Variants in RSU1 observed in about 807,000 individuals in gnomAD.
RSU1 encodes the protein rsu-1.
In RSU1, 26 loss-of-function variants were observed where a neutral mutation model predicts 31.1. That is an observed-to-expected ratio of 0.84 (90% CI 0.61 to 1.16). The LOEUF is 1.16. RSU1 is among the 50% of genes most tolerant of loss of function. The probability of loss-of-function intolerance (pLI) is 0.00; values close to 1 mark genes in which losing one functional copy is unlikely to be tolerated. For missense variants in RSU1, 320 were observed against 339.1 expected, an observed-to-expected ratio of 0.94 and a Z score of 0.44; for synonymous variants, 164 against 136.3, an observed-to-expected ratio of 1.20 and a Z score of -1.41.
At chr10:16,791,635 C>CAAA (rs553951655) in intron 2 of RSU1, among the ~76,000 whole-genome samples, 1 of 98,484 alleles carries the variant, frequency 1.0e-5, no homozygotes, top group Non-Finnish European at 2.2e-5. Context: ...CTCAAAAAAA[C>CAAA]AAAAAAAAAA....
intron 2 of RSU1, among the ~76,000 whole-genome samples, chr10:16,787,133 G>A (rs557816219): frequency 1.3e-5 from 2 of 152,268 alleles, no homozygotes; most frequent in South Asian, 2.1e-4. Flanking sequence ...ATAATCTGGA[G>A]ACAAAATGTG....
chr10:16,817,220 T>G, intron 1 of RSU1, 95 bp downstream of exon 1: 8 of 598,288 alleles, frequency 1.3e-5, no homozygotes, highest in African/African-American at 4.7e-5. Flanking sequence ...CAGGGGCTGG[T>G]CCGGGTGCGG....
At chr10:16,664,276 G>A (rs1183588564) in intron 8 of RSU1, among the ~76,000 whole-genome samples, 1 of 152,128 alleles carries the variant, frequency 6.6e-6, no homozygotes, top group Non-Finnish European at 1.5e-5. Context: ...GACCACTATC[G>A]TCCCAATGAG....
At chr10:16,695,649 T>C (rs990004422) in intron 7 of RSU1, among the ~76,000 whole-genome samples, 2 of 152,110 alleles carry the variant, frequency 1.3e-5, no homozygotes, top group African/African-American at 2.4e-5. Flanking sequence ...CATAAGCACA[T>C]CTCGGAATCA....
At chr10:16,809,089 A>C (rs1205973532) in intron 2 of RSU1, among the ~76,000 whole-genome samples, 1 of 152,230 alleles carries the variant, frequency 6.6e-6, no homozygotes, top group African/African-American at 2.4e-5. Flanking sequence ...GGACATTAAC[A>C]AAGTAGGTAC....
intron 8 of RSU1, among the ~76,000 whole-genome samples, chr10:16,643,335 T>C (rs1451947278): frequency 2.0e-5 from 3 of 152,216 alleles, no homozygotes; most frequent in Non-Finnish European, 2.9e-5. Context: ...ACTTTGAAGA[T>C]GTAAAAGTTA....
intron 7 of RSU1, among the ~76,000 whole-genome samples, chr10:16,728,565 T>G (rs983579484): frequency 6.6e-6 from 1 of 152,176 alleles, no homozygotes; most frequent in African/African-American, 2.4e-5. Flanking sequence ...TGTGTTACTA[T>G]GTGTGGGAGG....
At chr10:16,611,174 C>T (rs1163217924) in intron 8 of RSU1, among the ~76,000 whole-genome samples, 2 of 152,128 alleles carry the variant, frequency 1.3e-5, no homozygotes, top group Non-Finnish European at 2.9e-5. Flanking sequence ...ATGAGTTTGC[C>T]GTTTCCAGGG....
intron 8 of RSU1, among the ~76,000 whole-genome samples, chr10:16,635,900 C>T (rs1834336188): frequency 6.6e-6 from 1 of 152,216 alleles, no homozygotes; most frequent in Non-Finnish European, 1.5e-5. Context: ...AATGTTACTC[C>T]AGTCATCAAC....
chr10:16,681,584 A>C (rs939264386), intron 8 of RSU1, among the ~76,000 whole-genome samples: 1 of 152,234 alleles, frequency 6.6e-6, no homozygotes, highest in African/African-American at 2.4e-5. Flanking sequence ...AATTGATGTC[A>C]ATAAAATATG....
At chr10:16,761,788 G>A (rs1164275385) in intron 4 of RSU1, among the ~76,000 whole-genome samples, 8 of 152,074 alleles carry the variant, frequency 5.3e-5, no homozygotes, top group Non-Finnish European at 1.2e-4. Context: ...CTCAGGAGGT[G>A]GAGCTTGCAG....
At position 16,666,265 on chromosome 10, in the gene RSU1, T is replaced by C. The variant is rs1380480612; in HGVS notation, c.731+28758A>G. Among the ~76,000 whole-genome samples the C allele has an allele frequency of 3.9e-5, 6 of 152,162 alleles. No individual in the cohort carries two copies. In the South Asian group the frequency reaches 1.2e-3, roughly 31 times the overall value. On this transcript the variant is annotated intron_variant, in intron 8 of 8. Transcript: ENST00000345264. ...TGAACTTCAAGGATATGATTTGAAA[T>C]AATAGATCATATCTACATCTTTGAA...
intron 7 of RSU1, among the ~76,000 whole-genome samples, chr10:16,748,640 T>C (rs1588510194): frequency 1.3e-5 from 2 of 152,176 alleles, no homozygotes; most frequent in Admixed American, 6.5e-5. Context: ...CCCCATTTCC[T>C]GTCTAAGCTC....
chr10:16,635,097 A>G (rs1353458201), intron 8 of RSU1, among the ~76,000 whole-genome samples: 1 of 152,232 alleles, frequency 6.6e-6, no homozygotes, highest in East Asian at 1.9e-4. Flanking sequence ...CTGTATTCGT[A>G]ACAGCCTCCT....
intron 7 of RSU1, among the ~76,000 whole-genome samples, chr10:16,719,725 C>A (rs1326431302): frequency 6.6e-6 from 1 of 152,210 alleles, no homozygotes; most frequent in Admixed American, 6.5e-5. Context: ...GGTGATGACG[C>A]CTTCTCTAAG....
intron 8 of RSU1, among the ~76,000 whole-genome samples, chr10:16,655,181 C>G (rs1834757555): frequency 6.6e-6 from 1 of 151,742 alleles, no homozygotes; most frequent in Non-Finnish European, 1.5e-5. Context: ...TGCTTCAATT[C>G]AATTGTGACA....
chr10:16,694,752 T>C (rs7477715), intron 8 of RSU1, among the ~76,000 whole-genome samples: 46,305 of 151,548 alleles, frequency 0.31, 7,975 homozygotes, highest in Middle Eastern at 0.41. Context: ...TTTTTCTTTT[T>C]CTTTTGTAGA....
intron 8 of RSU1, among the ~76,000 whole-genome samples, chr10:16,608,292 G>A (rs998259881): frequency 1.6e-4 from 24 of 152,266 alleles, no homozygotes; most frequent in African/African-American, 5.8e-4. Flanking sequence ...AGGATCCTTT[G>A]AGCCTAGGAG....
At chr10:16,802,529 C>T (rs1205000599) in intron 2 of RSU1, among the ~76,000 whole-genome samples, 1 of 152,084 alleles carries the variant, frequency 6.6e-6, no homozygotes, top group Admixed American at 6.5e-5. Context: ...CTCTACAATA[C>T]CTTTCACAAA....
Sources: allele counts gnomAD v4.1 joint callset (sites outside exome capture counted in the v4.1 genomes callset), GRCh38; gene constraint gnomAD v4.1.1; transcripts MANE v1.5; gene names NCBI Gene and HGNC (gene_info 2026-07-23, HGNC 2026-07-21).